The following ADGRL3 variants were observed in gnomAD, a reference collection of about 807,000 sequenced individuals.
ADGRL3 encodes the protein calcium-independent alpha-latrotoxin receptor 3.
ADGRL3 carries 62 observed loss-of-function variants against 153.5 expected under a neutral mutation model. The ratio of observed to expected loss-of-function variants is 0.40; its 90% CI spans 0.33 to 0.50. ADGRL3 has a LOEUF of 0.50. ADGRL3 is among the 20% of genes least tolerant of loss of function. The pLI is 0.47. For missense variants in ADGRL3, 1,641 were observed against 1,859.4 expected, an observed-to-expected ratio of 0.88 and a Z score of 2.16; for synonymous variants, 710 against 672.5, an observed-to-expected ratio of 1.06 and a Z score of -0.86.
chr4:62,070,331 C>G lies in ADGRL3; in HGVS notation c.4055C>G (p.Ser1352Cys), dbSNP rs1164468059. The G allele has an allele frequency of 6.4e-7, 1 of 1,553,246 alleles. No homozygotes were observed. Among genetic ancestry groups the G allele is most frequent in the Non-Finnish European group, 8.7e-7 (1 of 1,147,638 alleles). The change falls in exon 27 of 27, where the codon TCC (serine) becomes TGC (cysteine). Residue 1352 changes from serine to cysteine, a missense_variant. Coordinates refer to ENST00000683033, the MANE Select transcript of ADGRL3 (RefSeq NM_001387552.1). The part of the protein sequence containing the change: ...IPSYLNNHER[S>C]SEQNRNLMNK... The stretch of plus-strand genomic sequence containing the variant: ...TCTTACCTGAACAACCATGAGCGCT[C>G]CAGTGAACAGAACAGGAATCTGATG...
At chr4:61,364,343 A>T (rs1017491045) in intron 1 of ADGRL3, among the ~76,000 whole-genome samples, 201 of 146,600 alleles carry the variant, frequency 1.4e-3, no homozygotes, top group Non-Finnish European at 2.4e-3. Context: ...AAAAAAAAAA[A>T]AAATAATAAT....
At chr4:62,010,278 T>C (rs2099179186) in intron 21 of ADGRL3, among the ~76,000 whole-genome samples, 1 of 152,072 alleles carries the variant, frequency 6.6e-6, no homozygotes, top group Admixed American at 6.6e-5. Context: ...CATGCTGAAG[T>C]TATCTAGCCT....
At chr4:61,953,713 T>C (rs969477176) in intron 17 of ADGRL3, among the ~76,000 whole-genome samples, 1 of 152,176 alleles carries the variant, frequency 6.6e-6, no homozygotes, top group African/African-American at 2.4e-5. Flanking sequence ...GCCTGCCCTG[T>C]GATTTAGAGA....
chr4:61,991,182 C>T (rs1167761560), intron 19 of ADGRL3, among the ~76,000 whole-genome samples: 1 of 151,782 alleles, frequency 6.6e-6, no homozygotes, highest in Non-Finnish European at 1.5e-5. Flanking sequence ...TGATCAGCAA[C>T]GTTGTTTTCA....
intron 8 of ADGRL3, among the ~76,000 whole-genome samples, chr4:61,798,431 G>A (rs1490797378): frequency 6.6e-6 from 1 of 152,034 alleles, no homozygotes; most frequent in African/African-American, 2.4e-5. Context: ...TTCTGAAATG[G>A]AAATCTTTGT....
chr4:61,243,612 C>T (rs532694183), intron 1 of ADGRL3, among the ~76,000 whole-genome samples: 6 of 152,098 alleles, frequency 3.9e-5, no homozygotes, highest in African/African-American at 1.4e-4. Flanking sequence ...TCTTGTAATA[C>T]TTAAATAAGG....
intron 6 of ADGRL3, among the ~76,000 whole-genome samples, chr4:61,722,315 T>G (rs2151658269): frequency 6.6e-6 from 1 of 152,276 alleles, no homozygotes; most frequent in South Asian, 2.1e-4. Context: ...TCTTGTGAAT[T>G]AATCTTGGAA....
chr4:61,569,218 C>A (rs2098828714), intron 4 of ADGRL3, among the ~76,000 whole-genome samples: 1 of 152,072 alleles, frequency 6.6e-6, no homozygotes, highest in African/African-American at 2.4e-5. Flanking sequence ...TTTCATAATA[C>A]ATGTTATGAT....
At chr4:61,643,125 TG>T (rs2093771053) in intron 5 of ADGRL3, among the ~76,000 whole-genome samples, 1 of 152,216 alleles carries the variant, frequency 6.6e-6, no homozygotes, top group Admixed American at 6.5e-5. Context: ...TTGTGATTTT[TG>T]TTCATTGATT....
intron 2 of ADGRL3, among the ~76,000 whole-genome samples, chr4:61,386,609 A>G (rs1031254188): frequency 1.1e-4 from 16 of 152,162 alleles, no homozygotes; most frequent in Non-Finnish European, 2.1e-4. Flanking sequence ...TCTTGCAGGG[A>G]AGGAATAAAG....
intron 5 of ADGRL3, among the ~76,000 whole-genome samples, chr4:61,652,964 C>T (rs1252374003): frequency 6.6e-6 from 1 of 151,936 alleles, no homozygotes; most frequent in Non-Finnish European, 1.5e-5. Context: ...CATCTCCCCA[C>T]CCTTCCCCCC....
rs1034198090 is a variant in ADGRL3, at chr4:61,635,914, A to G, written c.474-40912A>G. On this transcript the variant is annotated intron_variant, in intron 5 of 26. Coordinates refer to ENST00000683033, the MANE Select transcript of ADGRL3 (RefSeq NM_001387552.1). ...CAATTGTATTGGACCAGGACCTACC[A>G]TATTTGTGTATCACTGCTGCACTAT... 5.3e-5 allele frequency among the ~76,000 whole-genome samples: 8 copies of G among 152,064 alleles called. No individual in the cohort carries two copies. In the East Asian group the frequency reaches 9.7e-4, roughly 18 times the overall value.
intron 6 of ADGRL3, among the ~76,000 whole-genome samples, chr4:61,724,861 T>C (rs1165107987): frequency 6.6e-6 from 1 of 152,196 alleles, no homozygotes; most frequent in East Asian, 1.9e-4. Context: ...TAATAACTAT[T>C]AGGGAGACAT....
intron 2 of ADGRL3, among the ~76,000 whole-genome samples, chr4:61,445,602 A>G (rs967315024): frequency 6.6e-6 from 1 of 152,214 alleles, no homozygotes; most frequent in African/African-American, 2.4e-5. Context: ...TTATAGTAAT[A>G]CCAAAGTGTG....
rs1452588422 is a variant in ADGRL3 at position 61,608,474 on chromosome 4, G to A, written c.473+21034G>A. ...CCCCAAAACAAATAAAAACTGAGGC[G>A]AATATTAGAAATGCAAAAGGAAAAA... On this transcript the variant is annotated intron_variant, in intron 5 of 26. Transcript: ENST00000683033. Among the ~76,000 whole-genome samples, 23 of 151,866 alleles carry A rather than the reference G, an allele frequency of 1.5e-4. No individual in the cohort carries two copies. The South Asian group carries it at 3.1e-3, about 21-fold the overall frequency.
At chr4:61,765,385 C>T (rs1561210207) in intron 8 of ADGRL3, among the ~76,000 whole-genome samples, 1 of 151,970 alleles carries the variant, frequency 6.6e-6, no homozygotes, top group Non-Finnish European at 1.5e-5. Context: ...GAAGACAGGC[C>T]TGAATTCTGA....
chr4:61,643,256 T>C (rs2093779748), intron 5 of ADGRL3, among the ~76,000 whole-genome samples: 2 of 151,966 alleles, frequency 1.3e-5, no homozygotes, highest in Admixed American at 1.3e-4. Flanking sequence ...TGACTTCCTC[T>C]TTTCCTAATT....
chr4:61,208,597 C>T (rs992531544), intron 1 of ADGRL3, among the ~76,000 whole-genome samples: 38 of 151,948 alleles, frequency 2.5e-4, no homozygotes, highest in African/African-American at 8.7e-4. Context: ...AAAAGATAAT[C>T]GACTTTATTT....
At chr4:61,428,921 CT>C (rs2097321084) in intron 2 of ADGRL3, among the ~76,000 whole-genome samples, 1 of 151,200 alleles carries the variant, frequency 6.6e-6, no homozygotes, top group Non-Finnish European at 1.5e-5. Context: ...ATCTATCTAT[CT>C]ATCTATCTAT....
Sources: gnomAD v4.1 joint callset for allele counts (sites outside exome capture counted in the v4.1 genomes callset) on GRCh38, gnomAD v4.1.1 for gene constraint, MANE v1.5 for transcripts, NCBI Gene and HGNC (gene_info 2026-07-23, HGNC 2026-07-21) for gene names.